Variants in PSMD5 observed in about 807,000 individuals in gnomAD.
PSMD5 encodes the protein proteasome 26S subunit, non-ATPase 5, also known as 26S proteasome non-ATPase regulatory subunit 5.
A neutral mutation model predicts 52.1 loss-of-function variants in PSMD5; 40 were observed. The observed-to-expected ratio is 0.77, with a 90% CI of 0.60 to 1.00. The LOEUF (loss-of-function observed/expected upper bound fraction) is 1.00, where lower values mean the gene tolerates loss of function less well. PSMD5 is among the 50% of genes least tolerant of loss of function. PSMD5 has a pLI of 0.00. For missense variants in PSMD5, 575 were observed against 605.2 expected (o/e 0.95, Z 0.52); for synonymous variants, 211 against 226.6 (o/e 0.93, Z 0.62).
intron 6 of PSMD5, 22 bp downstream of exon 6, chr9:120,826,743 C>T (rs1243398244): frequency 1.2e-6 from 2 of 1,609,916 alleles, no homozygotes; most frequent in African/African-American, 2.7e-5. Flanking sequence ...CCATCATTTC[C>T]ATAGGCATCA....
intron 5 of PSMD5, among the ~76,000 whole-genome samples, chr9:120,827,929 C>T (rs893312227): frequency 6.6e-6 from 1 of 152,228 alleles, no homozygotes; most frequent in Non-Finnish European, 1.5e-5. Context: ...CTGGAATTAA[C>T]ATTTCTTTGA....
intron 1 of PSMD5, among the ~76,000 whole-genome samples, chr9:120,835,322 G>A (rs1167535809): frequency 1.3e-5 from 2 of 152,162 alleles, no homozygotes; most frequent in Non-Finnish European, 2.9e-5. Flanking sequence ...ATCACAATAT[G>A]AATAAACCTT....
At chr9:120,820,241 T>C (rs867555932) in intron 9 of PSMD5, among the ~76,000 whole-genome samples, 5 of 152,296 alleles carry the variant, frequency 3.3e-5, no homozygotes, top group Middle Eastern at 3.4e-3. Context: ...GAAAGGAAGG[T>C]CTTTATATAT....
At chr9:120,837,405 C>T (rs2131436152) in intron 1 of PSMD5, among the ~76,000 whole-genome samples, 1 of 152,306 alleles carries the variant, frequency 6.6e-6, no homozygotes, top group South Asian at 2.1e-4. Flanking sequence ...GTCACCCAGG[C>T]TGGTGTAGTG....
At chr9:120,838,214 A>G (rs1341543661) in intron 1 of PSMD5, among the ~76,000 whole-genome samples, 7 of 152,220 alleles carry the variant, frequency 4.6e-5, no homozygotes, top group African/African-American at 1.7e-4. Context: ...GGGTATATAC[A>G]TATGTCAAAA....
chr9:120,828,395 T>C (rs574009365), intron 5 of PSMD5, among the ~76,000 whole-genome samples: 1 of 151,496 alleles, frequency 6.6e-6, no homozygotes, highest in Admixed American at 6.6e-5. Flanking sequence ...TAATAAATAG[T>C]AGAGAGGCAT....
chr9:120,817,840 TGGAGTCAAATGCCTTAGGAGAAGTTTTG>T lies in PSMD5; in HGVS notation c.*38_*65del. 6.8e-7 allele frequency: 1 copy of T among 1,476,404 alleles called. No homozygotes were observed. The highest frequency in any genetic ancestry group is 9.2e-7 in the Non-Finnish European group (1 of 1,089,488). 91.5% of individuals were successfully genotyped at this position (1,476,404 alleles called of 1,614,324 possible). A position where few individuals can be genotyped will look rare whatever the true frequency, so the allele number is the denominator to read the frequency against. On this transcript the variant is annotated 3_prime_UTR_variant, in exon 10 of 10. Coordinates refer to ENST00000210313, the MANE Select transcript of PSMD5 (RefSeq NM_005047.4). ...GGAAGTCTCTTTTGTGAAATATAGA[TGGAGTCAAATGCCTTAGGAGAAGTTTTG>T]GTCAAAACGTGGTCCTCTACATGAG...
Position 120,833,354 on chromosome 9 carries a change from T to G in PSMD5, c.276A>C (p.Leu92=). ...RNLRVDLQRG[L]IHPDDSVKIL... is the part of the protein sequence containing the mutation. ...TTTTTACAGAATCATCAGGGTGAAT[T>G]AGTCCCCTCTGCAGGTCAACCCTGA... The change falls in exon 2 of 10, where the codon CTA becomes CTC. Residue 92 remains leucine (L), a synonymous_variant. Transcript: ENST00000210313. 1.2e-6 allele frequency: 2 copies of G among 1,613,998 alleles called. No individual in the cohort carries two copies. Among genetic ancestry groups the G allele is most frequent in the Non-Finnish European group, 1.7e-6 (2 of 1,179,950 alleles).
At chr9:120,826,729 C>T (rs746304828) in intron 6 of PSMD5, 36 bp downstream of exon 6, 66 of 1,600,746 alleles carry the variant, frequency 4.1e-5, no homozygotes, top group African/African-American at 9.4e-5. Context: ...AAATAAAACA[C>T]GCACCATCAT....
Position 120,833,344 on chromosome 9 carries a change from C to G in PSMD5, c.286G>C (p.Asp96His), listed in dbSNP as rs771136663. 6.2e-7 allele frequency: 1 copy of G among 1,614,078 alleles called. No individual in the cohort carries two copies. ...VDLQRGLIHP[D>H]DSVKILTLSQ... ...AGAGTGAGGATTTTTACAGAATCAT[C>G]AGGGTGAATTAGTCCCCTCTGCAGG... Residue 96 changes from aspartate (D) to histidine (H), a missense_variant, in exon 2 of 10, where the codon GAT becomes CAT. Coordinates refer to ENST00000210313, the MANE Select transcript of PSMD5 (RefSeq NM_005047.4).
Position 120,821,465 on chromosome 9 carries a change from C to A in PSMD5, c.1007-1G>T, listed in dbSNP as rs770674540. 1.9e-6 allele frequency: 3 copies of A among 1,570,176 alleles called. No homozygotes were observed. In the East Asian group the frequency reaches 6.7e-5, roughly 35 times the overall value. Reference sequence around the variant, plus strand: ...ATAAGCAAGCGTTCAAAGCGAGTTCCTTTGAAGGATAACAGTGAGATTCTT... The same window carrying A: ...ATAAGCAAGCGTTCAAAGCGAGTTCATTTGAAGGATAACAGTGAGATTCTT... On this transcript the variant is annotated splice_acceptor_variant, in intron 7 of 9. Coordinates refer to ENST00000210313, the MANE Select transcript of PSMD5 (RefSeq NM_005047.4). LOFTEE classifies it high-confidence loss of function.
At chr9:120,837,112 A>G (rs1208728155) in intron 1 of PSMD5, among the ~76,000 whole-genome samples, 1 of 152,026 alleles carries the variant, frequency 6.6e-6, no homozygotes, top group Non-Finnish European at 1.5e-5. Flanking sequence ...GATGGTCTCT[A>G]TCTCCTGACC....
chr9:120,832,863 T>C (rs1490149317), intron 2 of PSMD5, among the ~76,000 whole-genome samples: 16 of 152,256 alleles, frequency 1.1e-4, no homozygotes, highest in Admixed American at 1.0e-3. Context: ...GTCTTAATTG[T>C]TGGTTTAGTG....
intron 5 of PSMD5, among the ~76,000 whole-genome samples, chr9:120,828,022 G>A (rs1003030841): frequency 6.6e-6 from 1 of 152,156 alleles, no homozygotes; most frequent in African/African-American, 2.4e-5. Flanking sequence ...TTGAGACGGA[G>A]TTTTGCTCTT....
intron 1 of PSMD5, among the ~76,000 whole-genome samples, chr9:120,833,942 C>T (rs1005108327): frequency 6.8e-6 from 1 of 146,580 alleles, no homozygotes; most frequent in Non-Finnish European, 1.5e-5. Flanking sequence ...TCCCAAAATG[C>T]TGGGATTACA....
In PSMD5 at chr9:120,820,923, TAAA is replaced by T. The variant is rs781255735; in HGVS notation, c.1170_1172del (p.Leu391del). The stretch of plus-strand genomic sequence containing the variant: ...GGAAGAGCTCCAGTGGATCCCGAGA[TAAA>T]GAAGAAAACCAGGATTCTGTCATCC... On this transcript the variant is annotated inframe_deletion, in exon 9 of 10. Coordinates refer to ENST00000210313, the MANE Select transcript of PSMD5 (RefSeq NM_005047.4). 8 of 1,608,856 alleles carry T rather than the reference TAAA, an allele frequency of 5.0e-6. No individual in the cohort carries two copies. The highest frequency in any genetic ancestry group is 1.1e-5 in the South Asian group (1 of 90,272).
chr9:120,838,753 T>C (rs1361388676), intron 1 of PSMD5, among the ~76,000 whole-genome samples: 2 of 152,196 alleles, frequency 1.3e-5, no homozygotes, highest in Admixed American at 6.5e-5. Context: ...TGCTGTCAAC[T>C]TGCGGTATGA....
chr9:120,821,207 T>A, intron 8 of PSMD5, 148 bp downstream of exon 8: 1 of 704,336 alleles, frequency 1.4e-6, no homozygotes, highest in Non-Finnish European at 2.3e-6. Context: ...TAACACTCTA[T>A]GATTCCATTT....
intron 3 of PSMD5, 22 bp downstream of exon 3, chr9:120,831,810 T>A: frequency 6.2e-7 from 1 of 1,602,698 alleles, no homozygotes; most frequent in Non-Finnish European, 8.5e-7. Context: ...CACATTTAAG[T>A]CAATGATTCT....
Sources: gnomAD v4.1 joint callset for allele counts (sites outside exome capture counted in the v4.1 genomes callset) on GRCh38, gnomAD v4.1.1 for gene constraint, MANE v1.5 for transcripts, NCBI Gene and HGNC (gene_info 2026-07-23, HGNC 2026-07-21) for gene names.